Variants in SGCD observed in about 807,000 individuals in gnomAD.
SGCD encodes the protein sarcoglycan delta.
SGCD carries 18 observed loss-of-function variants against 36.6 expected under a neutral mutation model. The observed-to-expected ratio is 0.49, with a 90% confidence interval of 0.34 to 0.73. The LOEUF is 0.73. Ranked by LOEUF, SGCD falls within the 30% of genes least tolerant of loss-of-function variation. The probability of loss-of-function intolerance (pLI) is 0.01; values close to 1 mark genes in which losing one functional copy is unlikely to be tolerated. For synonymous variants in SGCD, 133 were observed against 130.6 expected (o/e 1.02, Z -0.12); for missense variants, 387 against 346.7 (o/e 1.12, Z -0.92).
the SGCD span, among the ~76,000 whole-genome samples, chr5:155,742,979 T>A: frequency 6.6e-6 from 1 of 152,218 alleles, no homozygotes; most frequent in Non-Finnish European, 1.5e-5. Context: ...ATGTAAGAGA[T>A]ACATAGTGTA....
intron 7 of SGCD, among the ~76,000 whole-genome samples, chr5:156,688,522 A>G (rs751129384): frequency 2.6e-5 from 4 of 152,220 alleles, no homozygotes; most frequent in Non-Finnish European, 5.9e-5. Flanking sequence ...AGGATGTCAG[A>G]AACTCCCCAA....
In SGCD at chr5:156,635,921, G is replaced by A. The variant is rs375014132; in HGVS notation, c.503-11543G>A. Among the ~76,000 whole-genome samples the A allele has an allele frequency of 6.9e-3, 1,046 of 151,942 alleles. 1 individual carries two copies. Among genetic ancestry groups the A allele is most frequent in the African/African-American group, 0.016 (658 of 41,414 alleles). ...GAGGCGGGAGGGATAGCATTAGGAG[G>A]TATACCTAATGTTAAATGACGAGTT... On this transcript the variant is annotated intron_variant, in intron 6 of 8. Coordinates refer to ENST00000337851, the MANE Select transcript of SGCD (RefSeq NM_000337.6).
At chr5:156,502,910 T>A (rs891365004) in intron 3 of SGCD, among the ~76,000 whole-genome samples, 1 of 152,220 alleles carries the variant, frequency 6.6e-6, no homozygotes, top group Non-Finnish European at 1.5e-5. Context: ...TAGAGGCCAG[T>A]AACAAAAATT....
intron 3 of SGCD, among the ~76,000 whole-genome samples, chr5:156,239,500 C>A (rs1765253896): frequency 6.6e-6 from 1 of 151,024 alleles, no homozygotes; most frequent in African/African-American, 2.4e-5. Flanking sequence ...AATCTATCAA[C>A]TAGTATGAAA....
At chr5:156,253,008 T>C (rs940020209) in intron 3 of SGCD, among the ~76,000 whole-genome samples, 15 of 152,330 alleles carry the variant, frequency 9.8e-5, no homozygotes, top group African/African-American at 3.4e-4. Flanking sequence ...TTTTCACATA[T>C]GTCTTTATCA....
chr5:156,713,730 T>C (rs1755101472), intron 7 of SGCD, among the ~76,000 whole-genome samples: 1 of 152,248 alleles, frequency 6.6e-6, no homozygotes, highest in African/African-American at 2.4e-5. Context: ...TTTTGTGATC[T>C]GCAGCCCCTC....
intron 7 of SGCD, among the ~76,000 whole-genome samples, chr5:156,669,672 C>T (rs1351383223): frequency 6.6e-6 from 1 of 152,136 alleles, no homozygotes; most frequent in African/African-American, 2.4e-5. Flanking sequence ...CTTTAAAGGC[C>T]ATAATTCTTC....
intron 3 of SGCD, among the ~76,000 whole-genome samples, chr5:156,139,393 T>G (rs1018688270): frequency 6.6e-6 from 1 of 152,200 alleles, no homozygotes; most frequent in Non-Finnish European, 1.5e-5. Context: ...GCTTATAGGT[T>G]CATCAAAAGT....
chr5:155,959,306 A>G (rs1757738060), intron 1 of SGCD, among the ~76,000 whole-genome samples: 1 of 152,166 alleles, frequency 6.6e-6, no homozygotes, highest in African/African-American at 2.4e-5. Context: ...GGCCTGGGCC[A>G]GTGCAGAGCT....
chr5:156,419,201 C>G (rs371728384), intron 3 of SGCD, among the ~76,000 whole-genome samples: 1 of 152,046 alleles, frequency 6.6e-6, no homozygotes, highest in Non-Finnish European at 1.5e-5. Context: ...TTTTCACATG[C>G]GGAATTAACT....
chr5:156,226,005 A>T (rs1764846398), intron 3 of SGCD, among the ~76,000 whole-genome samples: 1 of 152,122 alleles, frequency 6.6e-6, no homozygotes, highest in Non-Finnish European at 1.5e-5. Flanking sequence ...TTTTGTGTGC[A>T]AGTATTAGAA....
chr5:156,259,450 T>C lies in SGCD; in HGVS notation c.-43-70084T>C, dbSNP rs1037458641. ...TAATGGTGTCTTTTACTGAGCATTT[T>C]TTTTTAAAAGTTAATCAAGTCTAAT... On this transcript the variant is annotated intron_variant, in intron 3 of 9. Transcript: ENST00000517913. Among the ~76,000 whole-genome samples, 79 of 152,244 alleles carry C rather than the reference T, an allele frequency of 5.2e-4. 1 individual carries two copies. The highest frequency in any genetic ancestry group is 1.8e-3 in the African/African-American group (75 of 41,546).
At chr5:156,002,240 A>C (rs887344968) in intron 1 of SGCD, among the ~76,000 whole-genome samples, 2 of 152,122 alleles carry the variant, frequency 1.3e-5, no homozygotes, top group South Asian at 4.1e-4. Context: ...CAGACACACA[A>C]ACACACACAG....
chr5:156,524,447 T>C (rs899471338), intron 4 of SGCD, among the ~76,000 whole-genome samples: 2 of 150,750 alleles, frequency 1.3e-5, no homozygotes, highest in African/African-American at 2.4e-5. Context: ...TACCACTTTA[T>C]TGAGGTATAA....
intron 1 of SGCD, among the ~76,000 whole-genome samples, chr5:155,977,707 T>C (rs191586533): frequency 1.1e-3 from 171 of 152,238 alleles, no homozygotes; most frequent in East Asian, 4.4e-3. Context: ...TTAGCCAAAG[T>C]GTGGAACCAA....
the SGCD span, among the ~76,000 whole-genome samples, chr5:155,746,273 T>C: frequency 6.6e-6 from 1 of 152,154 alleles, no homozygotes; most frequent in African/African-American, 2.4e-5. Flanking sequence ...TCTAGTCTTC[T>C]TGGAGTAAAG....
At chr5:156,036,752 A>G (rs1759507752) in intron 1 of SGCD, among the ~76,000 whole-genome samples, 1 of 152,010 alleles carries the variant, frequency 6.6e-6, no homozygotes, top group African/African-American at 2.4e-5. Context: ...TTATTTCCAT[A>G]CTTGGTGGGG....
intron 6 of SGCD, among the ~76,000 whole-genome samples, chr5:156,610,217 T>C (rs1257462842): frequency 6.6e-6 from 1 of 152,118 alleles, no homozygotes; most frequent in Non-Finnish European, 1.5e-5. Flanking sequence ...ACAGATGGGG[T>C]TTTGGTGTGG....
chr5:156,344,377 TA>T (rs1768829617), intron 2 of SGCD, 111 bp from the exon 3 acceptor site: 1 of 709,604 alleles, frequency 1.4e-6, no homozygotes, highest in South Asian at 2.2e-5. Context: ...GGTATAAAAG[TA>T]GACAGCAGCC....
Sources: allele counts gnomAD v4.1 joint callset (sites outside exome capture counted in the v4.1 genomes callset), GRCh38; gene constraint gnomAD v4.1.1; transcripts MANE v1.5; gene names NCBI Gene and HGNC (gene_info 2026-07-23, HGNC 2026-07-21).